MOGS: variants seen among roughly 807,000 people sequenced by gnomAD.
MOGS encodes the protein mannosyl-oligosaccharide glucosidase.
MOGS carries 45 observed loss-of-function variants against 68.5 expected under a neutral mutation model. The ratio of observed to expected loss-of-function variants is 0.66; its 90% CI spans 0.52 to 0.84. MOGS has a LOEUF of 0.84. Ranked by LOEUF, MOGS falls within the 40% of genes least tolerant of loss-of-function variation. MOGS has a pLI of 0.00. For missense variants in MOGS, 1,020 were observed against 1,095.0 expected (o/e 0.93, Z 0.97); for synonymous variants, 492 against 461.2 (o/e 1.07, Z -0.86).
Position 74,461,335 on chromosome 2 carries a change from G to A in MOGS, c.2454C>T (p.Gly818=). The A allele has an allele frequency of 1.2e-6, 2 of 1,614,102 alleles. No individual in the cohort carries two copies. Among genetic ancestry groups the A allele is most frequent in the Non-Finnish European group, 8.5e-7 (1 of 1,180,050 alleles). Residue 818 remains glycine, a synonymous_variant, in exon 4 of 4, where the codon GGC becomes GGT. Coordinates refer to ENST00000448666, the MANE Select transcript of MOGS (RefSeq NM_006302.3). ...QYSDRDGRGM[G]CRPFHGWTSL... is the part of the protein sequence containing the mutation. Reference sequence around the variant, plus strand: ...TGGTCCAGCCGTGGAAAGGGCGGCAGCCCATGCCTCGCCCATCGCGGTCAC... The same window carrying A: ...TGGTCCAGCCGTGGAAAGGGCGGCAACCCATGCCTCGCCCATCGCGGTCAC...
chr2:74,461,633 C>G lies in MOGS; in HGVS notation c.2156G>C (p.Ser719Thr). The change falls in exon 4 of 4, where the codon AGC (serine) becomes ACC (threonine). Residue 719 changes from serine (S) to threonine (T), a missense_variant. Physicochemically the swap from Ser to Thr is moderately conservative, Grantham distance 58. Coordinates refer to ENST00000448666, the MANE Select transcript of MOGS (RefSeq NM_006302.3). ...ACCAAAGGGGCTCCAGAGATGGCGG[C>G]TGTCGGCTAGAATGTCCAGCAGGGG... ...LGPLLDILAD[S>T]RHLWSPFGLR... is the part of the protein sequence containing the mutation. 6.2e-7 allele frequency: 1 copy of G among 1,614,066 alleles called. No individual in the cohort carries two copies.
At position 74,462,895 on chromosome 2, in the gene MOGS, G is replaced by A. The variant is rs146748462; in HGVS notation, c.894C>T (p.Leu298=). ...RPPGAPPERY[L]GLPGSLKWED... ...CCCACTTCAGGGATCCTGGCAAGCC[G>A]AGGTAGCGTTCAGGGGGGGCCCCTG... The change falls in exon 4 of 4, where the codon CTC becomes CTT. Residue 298 remains leucine (L), a synonymous_variant. Transcript: ENST00000448666. 5.4e-4 allele frequency: 874 copies of A among 1,614,148 alleles called. 5 individuals carry two copies. The African/African-American group carries it at 0.01, about 19-fold the overall frequency.
chr2:74,461,468 C>A lies in MOGS; in HGVS notation c.2321G>T (p.Gly774Val), dbSNP rs750671581. Reference protein sequence around the residue: ...GALHHYGHLEGPHQARAAKLH... With the variant: ...GALHHYGHLEVPHQARAAKLH... ...TTTGGCAGCCCGAGCCTGGTGAGGACCCTCCAGATGCCCATAGTGGTGGAG... is the reference window on the plus strand; with the variant it reads ...TTTGGCAGCCCGAGCCTGGTGAGGAACCTCCAGATGCCCATAGTGGTGGAG... Residue 774 changes from glycine to valine, a missense_variant, in exon 4 of 4, where the codon GGT becomes GTT. Around this residue, in one of 3 missense-constraint regions of MOGS, gnomAD observed 270 missense variants for 261.3 expected, o/e 1.03. Transcript: ENST00000448666. 5.6e-6 allele frequency: 9 copies of A among 1,614,078 alleles called. No homozygotes were observed. The African/African-American group carries it at 1.2e-4, about 22-fold the overall frequency.
At position 74,462,931 on chromosome 2, in the gene MOGS, C is replaced by G. The variant is rs202095654; in HGVS notation, c.858G>C (p.Gln286His). 1.2e-4 allele frequency: 187 copies of G among 1,614,190 alleles called. No homozygotes were observed. In the African/African-American group the frequency reaches 2.2e-3, roughly 19 times the overall value. ...CAGGGGGGGCCCCTGGGGGCCGATGCTGAAACCAGCTATTTAGGCGACTCT... is the reference window on the plus strand; with the variant it reads ...CAGGGGGGGCCCCTGGGGGCCGATGGTGAAACCAGCTATTTAGGCGACTCT... The part of the protein sequence containing the change: ...MVKSRLNSWF[Q>H]HRPPGAPPER... Residue 286 changes from glutamine to histidine, a missense_variant, in exon 4 of 4, where the codon CAG becomes CAC. Gln to His is a conservative substitution (Grantham distance 24). Transcript: ENST00000448666.
chr2:74,462,395 G>A lies in MOGS; in HGVS notation c.1394C>T (p.Ser465Phe). ...HQLVVQRWDP[S>F]LTREALGHWL... ...GTGGCCAAGGGCTTCCCGGGTGAGG[G>A]AGGGATCCCACCGCTGAACCACCAG... is the stretch of plus-strand genomic sequence containing the variant. Residue 465 changes from serine (S) to phenylalanine (F), a missense_variant, in exon 4 of 4, where the codon TCC becomes TTC. Physicochemically the swap from Ser to Phe is radical, Grantham distance 155. This residue lies in a region of MOGS where 181 missense variants were observed against 261.8 expected (regional missense o/e 0.69). Transcript: ENST00000448666. 3 of 1,614,056 alleles carry A rather than the reference G, an allele frequency of 1.9e-6. No individual in the cohort carries two copies. The highest frequency in any genetic ancestry group is 1.7e-6 in the Non-Finnish European group (2 of 1,179,992).
Position 74,461,393 on chromosome 2 carries a change from T to C in MOGS, c.2396A>G (p.Tyr799Cys). The change falls in exon 4 of 4, where the codon TAC (tyrosine) becomes TGC (cysteine). Residue 799 changes from tyrosine to cysteine, a missense_variant. By Grantham distance (194) the Tyr-to-Cys change is radical (BLOSUM62 -2). Transcript: ENST00000448666. ...ANVVGNVWRQ[Y>C]QATGFLWEQY... is the part of the protein sequence containing the mutation. Reference sequence around the variant, plus strand: ...CTCCCAAAGAAAGCCTGTAGCCTGGTACTGGCGCCATACATTGCCTACCAC... The same window carrying C: ...CTCCCAAAGAAAGCCTGTAGCCTGGCACTGGCGCCATACATTGCCTACCAC... 1 of 1,614,210 alleles carries C rather than the reference T, an allele frequency of 6.2e-7. No individual in the cohort carries two copies. Among genetic ancestry groups the C allele is most frequent in the Non-Finnish European group, 8.5e-7 (1 of 1,180,044 alleles).
In MOGS at chr2:74,463,184, A is replaced by C; in HGVS notation, c.776+6T>G. ...CCATCCCCCAACATTCTTTTCCCCC[A>C]GTTACCTGCCATACTTGGGGGCTGT... is the stretch of plus-strand genomic sequence containing the variant. On this transcript the variant is annotated splice_donor_region_variant and intron_variant, in intron 3 of 3. Coordinates refer to ENST00000448666, the MANE Select transcript of MOGS (RefSeq NM_006302.3). 1 of 1,614,056 alleles carries C rather than the reference A, an allele frequency of 6.2e-7. No homozygotes were observed. Among genetic ancestry groups the C allele is most frequent in the Non-Finnish European group, 8.5e-7 (1 of 1,179,982 alleles).
Position 74,464,935 on chromosome 2 carries a change from A to G in MOGS, c.313T>C (p.Phe105Leu). 6.2e-7 allele frequency: 1 copy of G among 1,602,154 alleles called. No homozygotes were observed. Residue 105 changes from phenylalanine to leucine, a missense_variant, in exon 1 of 4, where the codon TTC becomes CTC. Physicochemically the swap from Phe to Leu is conservative, Grantham distance 22 (BLOSUM62 0). Transcript: ENST00000448666. ...FWGTYRPHVYFGMKTRSPKPL... is the reference protein window; with the variant it reads ...FWGTYRPHVYLGMKTRSPKPL... Reference sequence around the variant, plus strand: ...TTCGGGCTGCGGGTCTTCATGCCGAAGTAGACGTGAGGGCGGTAGGTTCCC... The same window carrying G: ...TTCGGGCTGCGGGTCTTCATGCCGAGGTAGACGTGAGGGCGGTAGGTTCCC...
At position 74,464,593 on chromosome 2, in the gene MOGS, ATG is replaced by A. The variant is rs761205522; in HGVS notation, c.480_481del (p.Ile161ProfsTer10). The A allele has an allele frequency of 8.1e-6, 13 of 1,613,852 alleles. No homozygotes were observed. Among genetic ancestry groups the A allele is most frequent in the Non-Finnish European group, 1.0e-5 (12 of 1,180,012 alleles). On this transcript the variant is annotated frameshift_variant, in exon 2 of 4. Transcript: ENST00000448666. LOFTEE classifies it high-confidence loss of function. The stretch of plus-strand genomic sequence containing the variant: ...GGTGAGCCTTAAGGCCCCATCCTGG[ATG>A]TGTTGGCGCCCGAAGGAGAGGCCGT...
chr2:74,463,085 G>A (rs996583551), intron 3 of MOGS, 73 bp from the exon 4 acceptor site: 1 of 1,610,024 alleles, frequency 6.2e-7, no homozygotes, highest in African/African-American at 1.3e-5. Flanking sequence ...GAAATACAAA[G>A]TGTTCAGGAG....
Position 74,464,500 on chromosome 2 carries a change from G to A in MOGS, c.575C>T (p.Pro192Leu), listed in dbSNP as rs1477958077. The A allele has an allele frequency of 4.3e-6, 7 of 1,613,892 alleles. No individual in the cohort carries two copies. The highest frequency in any genetic ancestry group is 1.3e-5 in the African/African-American group (1 of 74,912). The change falls in exon 2 of 4, where the codon CCT (proline) becomes CTT (leucine). Residue 192 changes from proline (P) to leucine (L), a missense_variant. Pro to Leu is a moderately conservative substitution (Grantham distance 98, BLOSUM62 -3). This residue lies in a region of MOGS where 569 missense variants were observed against 571.9 expected (regional missense o/e 0.99). Coordinates refer to ENST00000448666, the MANE Select transcript of MOGS (RefSeq NM_006302.3). ...AGGGTGTCCTGAGGCCCTGACCTGA[G>A]GCTCTACAGTCACTCTCCAGCTCCA... ...GDWSWRVTVE[P>L]QDSGTSALPL...
Position 74,462,070 on chromosome 2 carries a change from C to T in MOGS, c.1719G>A (p.Leu573=). ...GCCCAGAGGGTAGGGTCTTGGGGTT[C>T]AGTAAGGTTGGTAAGGCAGGGTCCC... ...RGRDPALPTL[L]NPKTLPSGLD... is the part of the protein sequence containing the mutation. The change falls in exon 4 of 4, where the codon CTG becomes CTA. Residue 573 remains leucine, a synonymous_variant. Transcript: ENST00000448666. 1.9e-6 allele frequency: 3 copies of T among 1,614,140 alleles called. No individual in the cohort carries two copies. Among genetic ancestry groups the T allele is most frequent in the African/African-American group, 2.7e-5 (2 of 75,040 alleles).
chr2:74,463,208 G>C lies in MOGS; in HGVS notation c.758C>G (p.Thr253Arg). Reference protein sequence around the residue: ...TLLPPTSPGDTAPKYGSYNVF... With the variant: ...TLLPPTSPGDRAPKYGSYNVF... ...CAGTTACCTGCCATACTTGGGGGCT[G>C]TATCCCCTGGACTGGTTGGTGGCAA... Residue 253 changes from threonine to arginine, a missense_variant, in exon 3 of 4, where the codon ACA becomes AGA. Thr to Arg is a moderately conservative substitution (Grantham distance 71, BLOSUM62 -1). Transcript: ENST00000448666. 1 of 1,614,158 alleles carries C rather than the reference G, an allele frequency of 6.2e-7. No homozygotes were observed. Among genetic ancestry groups the C allele is most frequent in the Non-Finnish European group, 8.5e-7 (1 of 1,180,020 alleles).
chr2:74,464,414 C>A (rs189417589), intron 2 of MOGS, 82 bp downstream of exon 2: 3 of 1,387,908 alleles, frequency 2.2e-6, no homozygotes. Flanking sequence ...GCAGCCAGAG[C>A]CCACTTCATG....
chr2:74,461,194 G>T lies in MOGS; in HGVS notation c.*81C>A, dbSNP rs1391146450. On this transcript the variant is annotated 3_prime_UTR_variant, in exon 4 of 4. Transcript: ENST00000448666. ...GGTTTGAATTACTGGTATCCAAGGG[G>T]CTGGGGGCAAAAGCCAGAAGCCTTT... 8 of 1,543,046 alleles carry T rather than the reference G, an allele frequency of 5.2e-6. No homozygotes were observed. The African/African-American group carries it at 6.8e-5, about 13-fold the overall frequency.
At position 74,465,302 on chromosome 2, in the gene MOGS, G is replaced by GTCCTGCCTCACCTCTCCGGC. The variant is rs1672039340; in HGVS notation, c.-75_-56dup. ...TCGGAGAGGCGGCAGTGGAGCCCGG[G>GTCCTGCCTCACCTCTCCGGC]TCCTGCCTCACCTCTCCGGCTCCCG... On this transcript the variant is annotated 5_prime_UTR_variant, in exon 1 of 4. Transcript: ENST00000448666. The GTCCTGCCTCACCTCTCCGGC allele has an allele frequency of 7.6e-7, 1 of 1,314,734 alleles. No individual in the cohort carries two copies. Among genetic ancestry groups the GTCCTGCCTCACCTCTCCGGC allele is most frequent in the Non-Finnish European group, 9.7e-7 (1 of 1,027,954 alleles). The allele number at this position is 1,314,734 out of a possible 1,614,324, so 81.4% of individuals were successfully genotyped here.
At position 74,461,444 on chromosome 2, in the gene MOGS, T is replaced by C. The variant is rs775094626; in HGVS notation, c.2345A>G (p.Lys782Arg). The C allele has an allele frequency of 6.2e-6, 10 of 1,614,074 alleles. No homozygotes were observed. Among genetic ancestry groups the C allele is most frequent in the African/African-American group, 2.7e-5 (2 of 74,948 alleles). ...GTTGGCACGGAGCTCACCGTGGAGT[T>C]TGGCAGCCCGAGCCTGGTGAGGACC... ...LEGPHQARAA[K>R]LHGELRANVV... Residue 782 changes from lysine to arginine, a missense_variant, in exon 4 of 4, where the codon AAA becomes AGA. This residue lies in a region of MOGS where 270 missense variants were observed against 261.3 expected (regional missense o/e 1.03). Transcript: ENST00000448666.
At chr2:74,463,573 C>A (rs1459246865) in intron 2 of MOGS, 187 bp from the exon 3 acceptor site, 9 of 639,270 alleles carry the variant, frequency 1.4e-5, no homozygotes, top group Non-Finnish European at 2.2e-5. Context: ...AGATAAAGAG[C>A]CTTGCACTGG....
In MOGS at chr2:74,461,874, T is replaced by G. The variant is rs1197857012; in HGVS notation, c.1915A>C (p.Ser639Arg). ...GGGGCCCAGTGCAGCTCATCCAGGC[T>G]CTCTGCTGCCTCCAGTGAGGCAGCC... is the stretch of plus-strand genomic sequence containing the variant. ...PLAASLEAAE[S>R]LDELHWAPEL... Residue 639 changes from serine (S) to arginine (R), a missense_variant, in exon 4 of 4, where the codon AGC becomes CGC. Physicochemically the swap from Ser to Arg is moderately radical, Grantham distance 110. This residue lies in a region of MOGS where 270 missense variants were observed against 261.3 expected (regional missense o/e 1.03). Coordinates refer to ENST00000448666, the MANE Select transcript of MOGS (RefSeq NM_006302.3). The G allele has an allele frequency of 1.1e-5, 17 of 1,614,054 alleles. No homozygotes were observed. Among genetic ancestry groups the G allele is most frequent in the Non-Finnish European group, 1.4e-5 (16 of 1,180,008 alleles).
Sources: allele counts gnomAD v4.1 joint callset, GRCh38; gene constraint gnomAD v4.1.1; regional missense constraint gnomAD v4.1.1; transcripts MANE v1.5; gene names NCBI Gene and HGNC (gene_info 2026-07-23, HGNC 2026-07-21).